Variants in PCNX3 observed in about 807,000 individuals in gnomAD.
PCNX3 encodes pecanex-like protein 3.
Under a neutral mutation model 207.2 loss-of-function variants are expected in PCNX3, and 58 were observed. That is an observed-to-expected ratio of 0.28 (90% CI 0.23 to 0.35). The LOEUF is 0.35. Among genes scored for constraint, PCNX3 ranks in the 10% least tolerant of loss-of-function variants. The pLI is 1.00. For missense variants in PCNX3, 2,410 were observed against 2,774.4 expected, an observed-to-expected ratio of 0.87 and a Z score of 2.95; for synonymous variants, 1,337 against 1,183.5, an observed-to-expected ratio of 1.13 and a Z score of -2.66.
At position 65,620,758 on chromosome 11, in the gene PCNX3, T is replaced by TGGCCTC. The variant is rs547994533; in HGVS notation, c.2100-65_2100-60dup. 944 of 1,547,726 alleles carry TGGCCTC rather than the reference T, an allele frequency of 6.1e-4. 6 individuals are homozygous for TGGCCTC. The African/African-American group carries it at 0.011, about 18-fold the overall frequency. Reference sequence around the variant, plus strand: ...ACAGACAGCCCTACCTGCCTGGCCTTGGCCTCGGCCTCGACCCCACCCAGC... The same window carrying TGGCCTC: ...ACAGACAGCCCTACCTGCCTGGCCTTGGCCTCGGCCTCGGCCTCGACCCCACCCAGC... On this transcript the variant is annotated intron_variant, in intron 9 of 34. Transcript: ENST00000355703.
chr11:65,634,150 T>A lies in PCNX3; in HGVS notation c.4495T>A (p.Ser1499Thr). 1 of 1,613,026 alleles carries A rather than the reference T, an allele frequency of 6.2e-7. No homozygotes were observed. Among genetic ancestry groups the A allele is most frequent in the Non-Finnish European group, 8.5e-7 (1 of 1,179,788 alleles). ...VKSIIYYVSRSPKLEVWLSHE... is the reference protein window; with the variant it reads ...VKSIIYYVSRTPKLEVWLSHE... Reference sequence around the variant, plus strand: ...GAGCATCATCTACTACGTGAGCCGCTCACCAAAGCTGGAGGTGTGGCTCAG... The same window carrying A: ...GAGCATCATCTACTACGTGAGCCGCACACCAAAGCTGGAGGTGTGGCTCAG... The change falls in exon 28 of 35, where the codon TCA becomes ACA. Residue 1499 changes from serine (S) to threonine (T), a missense_variant. Around this residue, in one of 8 missense-constraint regions of PCNX3, gnomAD observed 420 missense variants for 705.3 expected, o/e 0.60. Coordinates refer to ENST00000355703, the MANE Select transcript of PCNX3 (RefSeq NM_032223.4).
At chr11:65,620,758 T>C (rs1855044827) in intron 9 of PCNX3, 73 bp from the exon 10 acceptor site, 2 of 1,547,732 alleles carry the variant, frequency 1.3e-6, no homozygotes, top group African/African-American at 1.4e-5. Flanking sequence ...TGCCTGGCCT[T>C]GGCCTCGGCC....
chr11:65,631,308 C>T (rs149827888), intron 27 of PCNX3, among the ~76,000 whole-genome samples: 1 of 152,236 alleles, frequency 6.6e-6, no homozygotes, highest in African/African-American at 2.4e-5. Flanking sequence ...TCCCTGTGTC[C>T]CTCAGCTTAC....
At chr11:65,626,429 A>C (rs1393317481) in intron 20 of PCNX3, 1 of 414,410 alleles carries the variant, frequency 2.4e-6, no homozygotes, top group Non-Finnish European at 4.6e-6. Flanking sequence ...ATGGTTTTTA[A>C]AAAATCCTGG....
At chr11:65,619,093 G>T (rs1012100582) in intron 6 of PCNX3, 26 bp downstream of exon 6, 7 of 1,553,754 alleles carry the variant, frequency 4.5e-6, no homozygotes, top group Non-Finnish European at 6.1e-6. Flanking sequence ...AGAGGCAGGG[G>T]CTGGGGGACG....
At chr11:65,626,768 A>G in intron 20 of PCNX3, 136 bp from the exon 21 acceptor site, 3 of 1,307,952 alleles carry the variant, frequency 2.3e-6, no homozygotes, top group South Asian at 2.8e-5. Flanking sequence ...CTCCCATTTG[A>G]GCTGCCACAG....
At position 65,628,799 on chromosome 11, in the gene PCNX3, C is replaced by T; in HGVS notation, c.3812-20C>T. 1.2e-6 allele frequency: 2 copies of T among 1,610,040 alleles called. No individual in the cohort carries two copies. The highest frequency in any genetic ancestry group is 1.7e-6 in the Non-Finnish European group (2 of 1,179,638). ...GGCTGGGAGGTCCTGTTGCCCGCCG[C>T]CTCCTTGACTGTGGCTCAGACTCGG... On this transcript the variant is annotated intron_variant, in intron 23 of 34. Coordinates refer to ENST00000355703, the MANE Select transcript of PCNX3 (RefSeq NM_032223.4).
intron 1 of PCNX3, 45 bp downstream of exon 1, chr11:65,616,509 G>A: frequency 1.3e-6 from 2 of 1,561,960 alleles, no homozygotes; most frequent in African/African-American, 2.7e-5. Flanking sequence ...GAGAGGGAGG[G>A]CAGCCTGGCA....
chr11:65,635,471 T>TAAGCCCTGCCCC lies in PCNX3; in HGVS notation c.5184+26_5184+37dup. On this transcript the variant is annotated intron_variant, in intron 31 of 34. Transcript: ENST00000355703. This position sits in a 1 kb window ranked among gnomAD's most constrained non-coding sequence, Gnocchi z 9.9. ...AAGGTTGGGCCGGCCCCACCTGCCCTAAGCCCTGCCCCAAACCCCCTTGGG... is the reference window on the plus strand; with the variant it reads ...AAGGTTGGGCCGGCCCCACCTGCCCTAAGCCCTGCCCCAAGCCCTGCCCCAAACCCCCTTGGG... 2.5e-6 allele frequency: 4 copies of TAAGCCCTGCCCC among 1,607,656 alleles called. No individual in the cohort carries two copies. The highest frequency in any genetic ancestry group is 3.4e-6 in the Non-Finnish European group (4 of 1,178,220).
At chr11:65,630,306 A>G (rs1454786438) in intron 26 of PCNX3, 45 bp from the exon 27 acceptor site, 1 of 1,595,530 alleles carries the variant, frequency 6.3e-7, no homozygotes, top group Admixed American at 1.7e-5. Flanking sequence ...CAGGGCAGGT[A>G]GGGATTGTTC....
chr11:65,625,294 G>A lies in PCNX3; in HGVS notation c.3029+14G>A, dbSNP rs183939477. ...CACCGTGCTCTGGTGGGTGTGCTCC[G>A]GGTCGTGTGTTTGTGTCTGCCCAGT... is the stretch of plus-strand genomic sequence containing the variant. On this transcript the variant is annotated intron_variant, in intron 17 of 34. Transcript: ENST00000355703. This position sits in a 1 kb window ranked among gnomAD's most constrained non-coding sequence, Gnocchi z 5.6. The A allele has an allele frequency of 2.4e-5, 38 of 1,601,340 alleles. No homozygotes were observed. Among genetic ancestry groups the A allele is most frequent in the African/African-American group, 5.3e-5 (4 of 74,804 alleles).
Position 65,628,853 on chromosome 11 carries a change from G to A in PCNX3, c.3846G>A (p.Ser1282=), listed in dbSNP as rs1334795187. The part of the protein sequence containing the change: ...SAMLFVQALL[S]GLFSTPLNPL... The stretch of plus-strand genomic sequence containing the variant: ...TGCTGTTCGTCCAGGCCCTGCTCTC[G>A]GGGCTCTTCTCCACGCCTCTCAACC... Residue 1282 remains serine, a synonymous_variant, in exon 24 of 35, where the codon TCG becomes TCA. Transcript: ENST00000355703. 3.1e-6 allele frequency: 5 copies of A among 1,612,330 alleles called. No individual in the cohort carries two copies. The highest frequency in any genetic ancestry group is 1.1e-5 in the South Asian group (1 of 91,056).
chr11:65,636,543 C>T lies in PCNX3; in HGVS notation c.5746C>T (p.Pro1916Ser). The change falls in exon 34 of 35, where the codon CCC (proline) becomes TCC (serine). Residue 1916 changes from proline to serine, a missense_variant. By Grantham distance (74) the Pro-to-Ser change is moderately conservative (BLOSUM62 -1). Transcript: ENST00000355703. ...TGCATCGCCTATCCCCACAGAGGGT[C>T]CCCGGACCTCACGGCCCCCTGGCCC... ...PPASPIPTEG[P>S]RTSRPPGPGL... 6.3e-7 allele frequency: 1 copy of T among 1,595,932 alleles called. No individual in the cohort carries two copies. The highest frequency in any genetic ancestry group is 8.5e-7 in the Non-Finnish European group (1 of 1,172,860).
At chr11:65,624,832 G>T (rs1478482939) in intron 15 of PCNX3, 93 bp from the exon 16 acceptor site, 2 of 1,326,214 alleles carry the variant, frequency 1.5e-6, no homozygotes, top group East Asian at 2.4e-5. Context: ...TTTCCAGGGA[G>T]GCCAGCCTCT....
intron 3 of PCNX3, 23 bp from the exon 4 acceptor site, chr11:65,617,447 T>C: frequency 6.2e-7 from 1 of 1,613,926 alleles, no homozygotes; most frequent in Non-Finnish European, 8.5e-7. Flanking sequence ...TGTTTGTTCC[T>C]TCATGGCTCT....
chr11:65,634,038 C>A, intron 27 of PCNX3, 88 bp from the exon 28 acceptor site: 1 of 1,251,938 alleles, frequency 8.0e-7, no homozygotes, highest in Non-Finnish European at 1.1e-6. Flanking sequence ...TCAGCTCAGT[C>A]TTGGGGAGGA....
intron 23 of PCNX3, 28 bp downstream of exon 23, chr11:65,628,731 GT>G: frequency 6.2e-7 from 1 of 1,606,110 alleles, no homozygotes; most frequent in Non-Finnish European, 8.5e-7. Flanking sequence ...GGGTGGGGGT[GT>G]GCAGGGAGGG....
intron 22 of PCNX3, among the ~76,000 whole-genome samples, chr11:65,627,964 C>T (rs944727567): frequency 1.3e-5 from 2 of 152,204 alleles, no homozygotes; most frequent in Non-Finnish European, 2.9e-5. Flanking sequence ...AGCTGAGTTT[C>T]AGAAGCCCCT....
chr11:65,615,784 C>T lies in PCNX3; in HGVS notation c.-528C>T, dbSNP rs2135385642. The stretch of plus-strand genomic sequence containing the variant: ...AATTGGAATCGTTGGGCGCATGCGC[C>T]ACTGCAGGCTGGCGGTTCGCGGCTC... On this transcript the variant is annotated 5_prime_UTR_variant, in exon 1 of 35. Coordinates refer to ENST00000355703, the MANE Select transcript of PCNX3 (RefSeq NM_032223.4). 1 of 152,408 alleles carries T rather than the reference C, an allele frequency of 6.6e-6. No homozygotes were observed. Among genetic ancestry groups the T allele is most frequent in the East Asian group, 1.9e-4 (1 of 5,182 alleles). 9.4% of individuals were successfully genotyped at this position (152,408 alleles called of 1,614,324 possible).
Sources: allele counts gnomAD v4.1 joint callset (sites outside exome capture counted in the v4.1 genomes callset), GRCh38; gene constraint gnomAD v4.1.1; regional missense constraint gnomAD v4.1.1; non-coding constraint Gnocchi (gnomAD v3.1); transcripts MANE v1.5; gene names NCBI Gene and HGNC (gene_info 2026-07-23, HGNC 2026-07-21).